FABP7: variants seen among roughly 807,000 people sequenced by gnomAD.
FABP7 encodes fatty acid-binding protein, brain.
In FABP7, 13 loss-of-function variants were observed where a neutral mutation model predicts 14.2. The observed-to-expected ratio is 0.91, with a 90% CI of 0.59 to 1.45. FABP7 has a LOEUF of 1.45. Ranked by LOEUF, FABP7 falls within the 40% of genes most tolerant of loss-of-function variation. FABP7 has a pLI of 0.00. For synonymous variants in FABP7, 49 were observed against 51.4 expected (o/e 0.95, Z 0.20); for missense variants, 149 against 157.6 (o/e 0.95, Z 0.29).
the FABP7 span, among the ~76,000 whole-genome samples, chr6:122,762,519 T>G: frequency 6.6e-6 from 1 of 152,134 alleles, no homozygotes; most frequent in Non-Finnish European, 1.5e-5. Context: ...CTATTCAACA[T>G]CGTGTTGGAA....
chr6:122,778,946 T>G (rs1223097839), upstream of FABP7, among the ~76,000 whole-genome samples: 2 of 152,176 alleles, frequency 1.3e-5, no homozygotes, highest in Non-Finnish European at 2.9e-5. Flanking sequence ...AAAGCATTCT[T>G]TTATTTATTT....
the FABP7 span, among the ~76,000 whole-genome samples, chr6:122,765,652 A>T: frequency 2.0e-5 from 3 of 151,206 alleles, no homozygotes; most frequent in Non-Finnish European, 4.4e-5. Context: ...TGTTGATCTG[A>T]TTCCTTCTAT....
the FABP7 span, among the ~76,000 whole-genome samples, chr6:122,767,738 C>T: frequency 7.3e-6 from 1 of 137,524 alleles, no homozygotes; most frequent in Non-Finnish European, 1.6e-5. Context: ...TAGCAAGACC[C>T]TGTTCTCCAC....
chr6:122,769,433 C>A, the FABP7 span, among the ~76,000 whole-genome samples: 4 of 152,054 alleles, frequency 2.6e-5, no homozygotes, highest in African/African-American at 9.7e-5. Context: ...AGCTCTGTTT[C>A]TAAAAGTACA....
the FABP7 span, among the ~76,000 whole-genome samples, chr6:122,768,711 A>G: frequency 6.6e-6 from 1 of 152,160 alleles, no homozygotes; most frequent in Non-Finnish European, 1.5e-5. Flanking sequence ...GACACTAACC[A>G]ACGGGTATGA....
the FABP7 span, among the ~76,000 whole-genome samples, chr6:122,769,877 G>C: frequency 6.6e-6 from 1 of 151,978 alleles, no homozygotes; most frequent in Non-Finnish European, 1.5e-5. Context: ...AAATAATGCC[G>C]CAATTTTATT....
At chr6:122,753,100 T>C in the FABP7 span, among the ~76,000 whole-genome samples, 2 of 152,240 alleles carry the variant, frequency 1.3e-5, no homozygotes, top group Admixed American at 6.5e-5. Context: ...CGTTTCTCTC[T>C]GGCTTTATAA....
At chr6:122,761,616 A>C in the FABP7 span, among the ~76,000 whole-genome samples, 1 of 152,136 alleles carries the variant, frequency 6.6e-6, no homozygotes, top group Non-Finnish European at 1.5e-5. Context: ...TGGGTTGTAG[A>C]GTTTGCTTCA....
At position 122,780,377 on chromosome 6, in the gene FABP7, ACT is replaced by A. The variant is rs1436719821; in HGVS notation, c.164_165del (p.Leu55GlnfsTer9). 1.9e-6 allele frequency: 3 copies of A among 1,614,078 alleles called. No homozygotes were observed. Among genetic ancestry groups the A allele is most frequent in the Admixed American group, 1.7e-5 (1 of 60,000 alleles). On this transcript the variant is annotated frameshift_variant, in exon 2 of 4. Coordinates refer to ENST00000368444, the MANE Select transcript of FABP7 (RefSeq NM_001446.5). LOFTEE classifies it high-confidence loss of function. ...SQEGDKVVIR[T>X]LSTFKNTEIS... ...AGAAGGAGACAAAGTGGTCATCAGGACTCTCAGCACATTCAAGAACACGGAGA... is the reference window on the plus strand; with the variant it reads ...AGAAGGAGACAAAGTGGTCATCAGGACTCAGCACATTCAAGAACACGGAGA...
At chr6:122,781,384 C>T in intron 3 of FABP7, 190 bp downstream of exon 3, 1 of 1,441,272 alleles carries the variant, frequency 6.9e-7, no homozygotes, top group Non-Finnish European at 9.2e-7. Context: ...TAATTTTCTT[C>T]TTCAGCTCAA....
upstream of FABP7, among the ~76,000 whole-genome samples, chr6:122,777,787 G>C (rs1780700395): frequency 6.6e-6 from 1 of 151,684 alleles, no homozygotes; most frequent in Admixed American, 6.6e-5. Flanking sequence ...AGGTTGCAGT[G>C]GGCTGAGATC....
chr6:122,764,488 G>A, the FABP7 span, among the ~76,000 whole-genome samples: 1 of 151,950 alleles, frequency 6.6e-6, no homozygotes, highest in Non-Finnish European at 1.5e-5. Flanking sequence ...GTATACATAT[G>A]TAACAAACCT....
chr6:122,781,285 T>G (rs772521139), intron 3 of FABP7, 91 bp downstream of exon 3: 5 of 1,559,930 alleles, frequency 3.2e-6, no homozygotes, highest in Non-Finnish European at 4.3e-6. Context: ...CCTCCTTCCA[T>G]TCTTCCTCCT....
At chr6:122,779,492 C>CT (rs768096978), upstream of FABP7, 67 of 403,782 alleles carry the variant, frequency 1.7e-4, no homozygotes, top group Non-Finnish European at 2.8e-4. Flanking sequence ...GGCATAAGGG[C>CT]TGTAGTGTGA....
At chr6:122,776,629 C>A (rs1438835633), upstream of FABP7, among the ~76,000 whole-genome samples, 1 of 152,022 alleles carries the variant, frequency 6.6e-6, no homozygotes, top group Non-Finnish European at 1.5e-5. Context: ...CTATAGTTAA[C>A]AATAATTCAT....
the FABP7 span, among the ~76,000 whole-genome samples, chr6:122,755,602 T>C: frequency 1.8e-4 from 27 of 151,468 alleles, no homozygotes; most frequent in Non-Finnish European, 2.7e-4. Flanking sequence ...TACAGGCGCC[T>C]GCCACCACGC....
At chr6:122,770,473 T>C in the FABP7 span, among the ~76,000 whole-genome samples, 1 of 152,134 alleles carries the variant, frequency 6.6e-6, no homozygotes. Flanking sequence ...TCAGTGGTCT[T>C]GTAGTCCTAC....
the FABP7 span, among the ~76,000 whole-genome samples, chr6:122,771,206 A>G: frequency 6.6e-6 from 1 of 152,158 alleles, no homozygotes; most frequent in Non-Finnish European, 1.5e-5. Flanking sequence ...TTAGCAGGTC[A>G]GTTTATGCGG....
chr6:122,756,816 T>A, the FABP7 span, among the ~76,000 whole-genome samples: 1 of 152,236 alleles, frequency 6.6e-6, no homozygotes, highest in Admixed American at 6.5e-5. Context: ...ACTTGACAGG[T>A]GACCACTCAC....
Sources: gnomAD v4.1 joint callset for allele counts (sites outside exome capture counted in the v4.1 genomes callset) on GRCh38, gnomAD v4.1.1 for gene constraint, MANE v1.5 for transcripts, NCBI Gene and HGNC (gene_info 2026-07-23, HGNC 2026-07-21) for gene names.